COL21A1: variants seen among roughly 807,000 people sequenced by gnomAD.
COL21A1 encodes the protein collagen type XXI alpha 1 chain.
COL21A1 carries 149 observed loss-of-function variants against 137.9 expected under a neutral mutation model. That is an observed-to-expected ratio of 1.08 (90% CI 0.95 to 1.24). The LOEUF is 1.24. Ranked by LOEUF, COL21A1 falls within the 50% of genes most tolerant of loss-of-function variation. The pLI, the probability that COL21A1 is intolerant of heterozygous loss-of-function variation, is 0.00. For synonymous variants in COL21A1, 456 were observed against 391.5 expected (o/e 1.16, Z -1.95); for missense variants, 1,167 against 1,158.4 (o/e 1.01, Z -0.11).
intron 1 of COL21A1, among the ~76,000 whole-genome samples, chr6:56,291,259 A>T (rs1764034508): frequency 6.6e-6 from 1 of 152,180 alleles, no homozygotes; most frequent in Non-Finnish European, 1.5e-5. Context: ...AGTTAGGGGA[A>T]CAAAAAGAAA....
intron 1 of COL21A1, among the ~76,000 whole-genome samples, chr6:56,337,728 T>C (rs533669995): frequency 1.3e-5 from 2 of 152,220 alleles, no homozygotes; most frequent in Non-Finnish European, 2.9e-5. Context: ...AAGCTTTCCT[T>C]TCTCTTCATA....
intron 1 of COL21A1, among the ~76,000 whole-genome samples, chr6:56,184,171 G>A (rs1402329250): frequency 1.3e-5 from 2 of 151,850 alleles, no homozygotes; most frequent in Non-Finnish European, 2.9e-5. Flanking sequence ...CACAATTCTC[G>A]GATCAAAGAA....
chr6:56,165,374 A>G (rs1776494366), intron 7 of COL21A1, among the ~76,000 whole-genome samples: 1 of 152,228 alleles, frequency 6.6e-6, no homozygotes, highest in South Asian at 2.1e-4. Context: ...GGCCACAGAA[A>G]GTCACATCTG....
chr6:56,233,483 A>G (rs1414787156), intron 1 of COL21A1, among the ~76,000 whole-genome samples: 1 of 151,786 alleles, frequency 6.6e-6, no homozygotes, highest in Non-Finnish European at 1.5e-5. Context: ...TATCTTAGAA[A>G]ATTAAAAACT....
At chr6:56,128,420 A>G (rs1773224008) in intron 12 of COL21A1, among the ~76,000 whole-genome samples, 2 of 152,268 alleles carry the variant, frequency 1.3e-5, no homozygotes, top group South Asian at 2.1e-4. Flanking sequence ...GCTCATATGG[A>G]AGGTGATAGG....
chr6:56,067,184 T>C (rs558308032), intron 23 of COL21A1, 111 bp downstream of exon 23: 2 of 905,774 alleles, frequency 2.2e-6, no homozygotes, highest in South Asian at 4.3e-5. Flanking sequence ...AAATAGGATT[T>C]AACAACTTTA....
chr6:56,359,530 T>C (rs1401326290), intron 1 of COL21A1, among the ~76,000 whole-genome samples: 2 of 152,182 alleles, frequency 1.3e-5, no homozygotes, highest in African/African-American at 2.4e-5. Context: ...GTCCTGTAAT[T>C]CGTTATTACA....
intron 9 of COL21A1, among the ~76,000 whole-genome samples, chr6:56,159,218 T>C (rs964978333): frequency 2.0e-5 from 3 of 152,192 alleles, no homozygotes; most frequent in Non-Finnish European, 2.9e-5. Flanking sequence ...CTTTTTCTAC[T>C]GAAATGCTAT....
chr6:56,189,121 A>G (rs1778494541), intron 1 of COL21A1, among the ~76,000 whole-genome samples: 1 of 152,108 alleles, frequency 6.6e-6, no homozygotes, highest in Non-Finnish European at 1.5e-5. Flanking sequence ...AATGAATTTG[A>G]CGAATTGACA....
At chr6:56,222,683 T>G (rs1480180978) in intron 1 of COL21A1, among the ~76,000 whole-genome samples, 2 of 152,108 alleles carry the variant, frequency 1.3e-5, no homozygotes, top group African/African-American at 4.8e-5. Flanking sequence ...AAAAAAATCA[T>G]GTACACAAAG....
At chr6:56,301,791 T>C (rs1582766069) in intron 1 of COL21A1, among the ~76,000 whole-genome samples, 1 of 152,134 alleles carries the variant, frequency 6.6e-6, no homozygotes, top group South Asian at 2.1e-4. Context: ...ACATGTGCCA[T>C]GCTGGTGTGC....
At chr6:56,183,350 C>A (rs570755305) in intron 1 of COL21A1, among the ~76,000 whole-genome samples, 1 of 152,114 alleles carries the variant, frequency 6.6e-6, no homozygotes, top group South Asian at 2.1e-4. Flanking sequence ...AGTTATTAAC[C>A]CTTTGTCATA....
At position 56,112,144 on chromosome 6, in the gene COL21A1, T is replaced by A. The variant is rs116464041; in HGVS notation, c.1759-10619A>T. Among the ~76,000 whole-genome samples the A allele has an allele frequency of 6.9e-3, 1,056 of 152,248 alleles. 15 individuals are homozygous for A. The highest frequency in any genetic ancestry group is 0.023 in the African/African-American group (973 of 41,542). Reference sequence around the variant, plus strand: ...CTAAAAATAGTTTCCCACATATTGATCAATTCATATTTGGCAAAAGTTCTA... The same window carrying A: ...CTAAAAATAGTTTCCCACATATTGAACAATTCATATTTGGCAAAAGTTCTA... On this transcript the variant is annotated intron_variant, in intron 16 of 29. Transcript: ENST00000244728.
intron 12 of COL21A1, among the ~76,000 whole-genome samples, chr6:56,132,934 C>G (rs924412024): frequency 6.6e-6 from 1 of 152,184 alleles, no homozygotes; most frequent in Non-Finnish European, 1.5e-5. Context: ...GCCTCCCCAG[C>G]CACATGAAAC....
intron 1 of COL21A1, among the ~76,000 whole-genome samples, chr6:56,203,183 A>G (rs1779521145): frequency 6.6e-6 from 1 of 152,194 alleles, no homozygotes; most frequent in Non-Finnish European, 1.5e-5. Flanking sequence ...TTCTCCAACT[A>G]TCTAACCTTC....
intron 1 of COL21A1, among the ~76,000 whole-genome samples, chr6:56,263,596 C>T (rs1347037160): frequency 1.3e-5 from 2 of 152,196 alleles, no homozygotes; most frequent in East Asian, 3.8e-4. Context: ...CCACTCAAAA[C>T]AATGCCCACA....
At chr6:56,334,659 T>C (rs1292561081) in intron 1 of COL21A1, among the ~76,000 whole-genome samples, 1 of 152,178 alleles carries the variant, frequency 6.6e-6, no homozygotes, top group African/African-American at 2.4e-5. Flanking sequence ...GCTCAGAGTC[T>C]TGACTTGTCC....
intron 1 of COL21A1, among the ~76,000 whole-genome samples, chr6:56,271,272 A>G (rs138261077): frequency 1.3e-5 from 2 of 152,314 alleles, no homozygotes; most frequent in Non-Finnish European, 2.9e-5. Context: ...GACTGACAGA[A>G]TTTTGCCTCT....
chr6:56,098,514 T>C (rs1364265609), intron 17 of COL21A1, among the ~76,000 whole-genome samples: 1 of 33,232 alleles, frequency 3.0e-5, no homozygotes, highest in South Asian at 1.0e-3. Context: ...TATAAATATA[T>C]ATATAAATAT....
Sources: allele counts gnomAD v4.1 joint callset (sites outside exome capture counted in the v4.1 genomes callset), GRCh38; gene constraint gnomAD v4.1.1; transcripts MANE v1.5; gene names NCBI Gene and HGNC (gene_info 2026-07-23, HGNC 2026-07-21).